IQGAP2: variants seen among roughly 807,000 people sequenced by gnomAD.
IQGAP2 encodes ras GTPase-activating-like protein IQGAP2.
A neutral mutation model predicts 201.3 loss-of-function variants in IQGAP2; 173 were observed. The observed-to-expected ratio is 0.86, with a 90% CI of 0.76 to 0.98. The LOEUF (loss-of-function observed/expected upper bound fraction) is 0.98, where lower values mean the gene tolerates loss of function less well. Among genes scored for constraint, IQGAP2 ranks in the 50% least tolerant of loss-of-function variants. IQGAP2 has a pLI of 0.00. For missense variants in IQGAP2, 1,687 were observed against 1,864.8 expected, an observed-to-expected ratio of 0.90 and a Z score of 1.76; for synonymous variants, 675 against 673.9, an observed-to-expected ratio of 1.00 and a Z score of -0.03.
chr5:76,414,572 G>A (rs1751312332), intron 1 of IQGAP2, among the ~76,000 whole-genome samples: 1 of 152,164 alleles, frequency 6.6e-6, no homozygotes, highest in Admixed American at 6.5e-5. Context: ...TGTAATCCCA[G>A]CACTTTGGGA....
intron 2 of IQGAP2, among the ~76,000 whole-genome samples, chr5:76,532,198 G>A (rs1053020026): frequency 6.6e-6 from 1 of 152,192 alleles, no homozygotes; most frequent in African/African-American, 2.4e-5. Context: ...TGTTCATGAA[G>A]TATGTTTCCT....
chr5:76,562,643 G>A (rs1333914399), intron 3 of IQGAP2, 91 bp downstream of exon 3: 6 of 1,209,212 alleles, frequency 5.0e-6, no homozygotes, highest in African/African-American at 4.5e-5. Context: ...TAGTGTTTCT[G>A]TAAGGATTTG....
intron 2 of IQGAP2, 37 bp downstream of exon 2, chr5:76,461,706 T>C: frequency 6.9e-7 from 1 of 1,439,798 alleles, no homozygotes. Context: ...GCACCATCTC[T>C]TGGAGATAAG....
chr5:76,534,976 G>A (rs1290956734), intron 2 of IQGAP2, among the ~76,000 whole-genome samples: 2 of 152,128 alleles, frequency 1.3e-5, no homozygotes, highest in Non-Finnish European at 1.5e-5. Context: ...TGTCCCTTGG[G>A]CAGGTGCCAA....
At chr5:76,526,215 A>T (rs142113135) in intron 2 of IQGAP2, among the ~76,000 whole-genome samples, 2 of 152,216 alleles carry the variant, frequency 1.3e-5, no homozygotes, top group East Asian at 3.8e-4. Context: ...GTGGAAAGGC[A>T]TAGGAAGATC....
intron 22 of IQGAP2, among the ~76,000 whole-genome samples, chr5:76,665,926 G>A (rs1200512307): frequency 1.3e-5 from 2 of 152,210 alleles, no homozygotes; most frequent in Admixed American, 1.3e-4. Flanking sequence ...TTTCCCCAAA[G>A]AGGTGGATCC....
At chr5:76,647,336 G>C (rs1752127598) in intron 17 of IQGAP2, among the ~76,000 whole-genome samples, 1 of 152,128 alleles carries the variant, frequency 6.6e-6, no homozygotes, top group East Asian at 1.9e-4. Flanking sequence ...AGCTGGAGAG[G>C]CTGGCCACCC....
intron 15 of IQGAP2, among the ~76,000 whole-genome samples, 161 bp from the exon 16 acceptor site, chr5:76,636,873 T>C (rs1751169513): frequency 6.6e-6 from 1 of 152,236 alleles, no homozygotes; most frequent in Non-Finnish European, 1.5e-5. Context: ...TGCCATTAAA[T>C]ACATCGAATT....
intron 1 of IQGAP2, among the ~76,000 whole-genome samples, chr5:76,416,148 C>T (rs1448572575): frequency 6.6e-6 from 1 of 152,158 alleles, no homozygotes; most frequent in East Asian, 1.9e-4. Flanking sequence ...GTGCTAGATG[C>T]CATGTATAAG....
At chr5:76,580,272 T>C (rs1466761696) in intron 5 of IQGAP2, among the ~76,000 whole-genome samples, 3 of 144,362 alleles carry the variant, frequency 2.1e-5, no homozygotes, top group South Asian at 2.2e-4. Flanking sequence ...GGAGACTCCA[T>C]CTCAATTAAA....
chr5:76,444,852 AAGTGCTTTTTGG>A (rs1163418134), intron 1 of IQGAP2, among the ~76,000 whole-genome samples: 1 of 152,168 alleles, frequency 6.6e-6, no homozygotes, highest in Non-Finnish European at 1.5e-5. Context: ...CTATCGGCTT[AAGTGCTTTTTGG>A]AAATAAAAGA....
At chr5:76,704,592 C>T (rs748039402) in intron 35 of IQGAP2, among the ~76,000 whole-genome samples, 41 of 152,218 alleles carry the variant, frequency 2.7e-4, no homozygotes, top group Non-Finnish European at 4.8e-4. Context: ...GAACTGGCTA[C>T]ATCCTTAGCA....
At chr5:76,453,143 T>C (rs1287883139) in intron 1 of IQGAP2, among the ~76,000 whole-genome samples, 1 of 152,164 alleles carries the variant, frequency 6.6e-6, no homozygotes, top group Non-Finnish European at 1.5e-5. Flanking sequence ...CTTGAACTCC[T>C]GACCTCATGA....
intron 33 of IQGAP2, among the ~76,000 whole-genome samples, chr5:76,698,831 TG>T (rs1746993629): frequency 6.6e-6 from 1 of 152,206 alleles, no homozygotes; most frequent in South Asian, 2.1e-4. Context: ...TGGAAAAATC[TG>T]TTGCATTAAT....
At chr5:76,510,757 A>G in intron 2 of IQGAP2, 2 of 484,620 alleles carry the variant, frequency 4.1e-6, no homozygotes, top group South Asian at 3.2e-5. Flanking sequence ...CACCCACACC[A>G]GACTTGCAGT....
chr5:76,647,160 C>A (rs1279290841), intron 17 of IQGAP2, among the ~76,000 whole-genome samples: 1 of 152,142 alleles, frequency 6.6e-6, no homozygotes, highest in Non-Finnish European at 1.5e-5. Context: ...TTTCCCTATT[C>A]TTCCGTAAAT....
In IQGAP2 at chr5:76,650,234, A is replaced by T. The variant is rs139726544; in HGVS notation, c.2095-2516A>T. On this transcript the variant is annotated intron_variant, in intron 17 of 35. Coordinates refer to ENST00000274364, the MANE Select transcript of IQGAP2 (RefSeq NM_006633.5). Reference sequence around the variant, plus strand: ...GCATGAGCCATCATGTCCAGTTCACATCTTTATATAAGTTTGTATTTGTAT... The same window carrying T: ...GCATGAGCCATCATGTCCAGTTCACTTCTTTATATAAGTTTGTATTTGTAT... Among the ~76,000 whole-genome samples, 113 of 152,354 alleles carry T rather than the reference A, an allele frequency of 7.4e-4. 2 individuals are homozygous for T. In the South Asian group the frequency reaches 0.013, roughly 17 times the overall value.
chr5:76,575,734 C>T lies in IQGAP2; in HGVS notation c.423C>T (p.Asn141=). 2 of 1,594,638 alleles carry T rather than the reference C, an allele frequency of 1.3e-6. No homozygotes were observed. The highest frequency in any genetic ancestry group is 1.7e-6 in the Non-Finnish European group (2 of 1,168,340). The change falls in exon 5 of 36, where the codon AAC becomes AAT. Residue 141 remains asparagine (N), a synonymous_variant. Coordinates refer to ENST00000274364, the MANE Select transcript of IQGAP2 (RefSeq NM_006633.5). ...PETTDVYDRK[N]IPRMIYCIHA... ...CAACAGATGTCTATGATCGGAAAAA[C>T]ATACCAAGAATGATATATTGCATTC...
At chr5:76,586,667 C>A (rs1188196626) in intron 5 of IQGAP2, among the ~76,000 whole-genome samples, 1 of 150,934 alleles carries the variant, frequency 6.6e-6, no homozygotes, top group East Asian at 1.9e-4. Flanking sequence ...TGGGCCATGC[C>A]CATCGGGGTT....
Sources: gnomAD v4.1 joint callset for allele counts (sites outside exome capture counted in the v4.1 genomes callset) on GRCh38, gnomAD v4.1.1 for gene constraint, MANE v1.5 for transcripts, NCBI Gene and HGNC (gene_info 2026-07-23, HGNC 2026-07-21) for gene names.